The following GPC5 variants were observed in gnomAD, a reference collection of about 807,000 sequenced individuals.
GPC5 encodes the protein glypican-5.
GPC5 carries 47 observed loss-of-function variants against 53.9 expected under a neutral mutation model. The ratio of observed to expected loss-of-function variants is 0.87; its 90% CI spans 0.69 to 1.11. The LOEUF (loss-of-function observed/expected upper bound fraction) is 1.11, where lower values mean the gene tolerates loss of function less well. Ranked by LOEUF, GPC5 falls within the 50% of genes most tolerant of loss-of-function variation. GPC5 has a pLI of 0.00. For missense variants in GPC5, 748 were observed against 713.1 expected (o/e 1.05, Z -0.56); for synonymous variants, 286 against 263.3 (o/e 1.09, Z -0.84).
intron 2 of GPC5, among the ~76,000 whole-genome samples, chr13:91,572,114 T>C (rs1327793373): frequency 1.6e-5 from 2 of 128,206 alleles, no homozygotes; most frequent in East Asian, 2.0e-4. Context: ...TACACACATG[T>C]ATATATACGT....
intron 7 of GPC5, among the ~76,000 whole-genome samples, chr13:92,676,403 A>G (rs1356327499): frequency 6.6e-6 from 1 of 152,182 alleles, no homozygotes; most frequent in Non-Finnish European, 1.5e-5. Flanking sequence ...TTTAGGAGAT[A>G]CAATTGCCAT....
intron 4 of GPC5, among the ~76,000 whole-genome samples, chr13:91,733,485 TTGTCC>T (rs1401090159): frequency 6.6e-6 from 1 of 152,180 alleles, no homozygotes; most frequent in Non-Finnish European, 1.5e-5. Flanking sequence ...CCATTTGTTT[TTGTCC>T]TGTCTTATTT....
chr13:91,670,888 A>T (rs1049237485), intron 2 of GPC5, among the ~76,000 whole-genome samples: 1 of 152,206 alleles, frequency 6.6e-6, no homozygotes, highest in South Asian at 2.1e-4. Flanking sequence ...TGATAGAATT[A>T]AAAATAAAAA....
chr13:92,368,958 G>C lies in GPC5; in HGVS notation c.1561+223969G>C, dbSNP rs1184333884. ...AAAAACTGTGAAGTGGTGCAGTCAA[G>C]CATGAGTCTATTGCATTTTCTCTCC... On this transcript the variant is annotated intron_variant, in intron 7 of 7. Transcript: ENST00000377067. Among the ~76,000 whole-genome samples, 7 of 152,244 alleles carry C rather than the reference G, an allele frequency of 4.6e-5. No individual in the cohort carries two copies. The East Asian group carries it at 7.7e-4, about 17-fold the overall frequency.
rs141904884 is a variant in GPC5, at chr13:92,487,357, T to C, written c.1561+342368T>C. Reference sequence around the variant, plus strand: ...CCACCAATGGAGCCCTATACAACTGTCACTGGCACTGCCTGAAGGGAATTT... The same window carrying C: ...CCACCAATGGAGCCCTATACAACTGCCACTGGCACTGCCTGAAGGGAATTT... On this transcript the variant is annotated intron_variant, in intron 7 of 7. Transcript: ENST00000377067. Among the ~76,000 whole-genome samples the C allele has an allele frequency of 3.4e-3, 514 of 152,310 alleles. 5 individuals carry two copies. The highest frequency in any genetic ancestry group is 0.012 in the African/African-American group (501 of 41,574).
intron 7 of GPC5, among the ~76,000 whole-genome samples, chr13:92,767,395 T>C (rs1875445338): frequency 1.3e-5 from 2 of 152,034 alleles, no homozygotes; most frequent in South Asian, 2.1e-4. Flanking sequence ...CACTCGAACC[T>C]GGGAGGCAGA....
In GPC5 at chr13:91,940,681, G is replaced by A. The variant is rs567111447; in HGVS notation, c.1401+32624G>A. On this transcript the variant is annotated intron_variant, in intron 6 of 7. Coordinates refer to ENST00000377067, the MANE Select transcript of GPC5 (RefSeq NM_004466.6). ...GTTGTTATTTGACTTTTTGATAATA[G>A]CCACTCTGACTGGAATGAAATGGTA... Among the ~76,000 whole-genome samples the A allele has an allele frequency of 2.0e-5, 3 of 152,098 alleles. No homozygotes were observed. The South Asian group carries it at 6.2e-4, about 32-fold the overall frequency.
At chr13:91,652,659 A>G (rs2139564689) in intron 2 of GPC5, among the ~76,000 whole-genome samples, 1 of 152,294 alleles carries the variant, frequency 6.6e-6, no homozygotes, top group Middle Eastern at 3.4e-3. Context: ...ATGCCAAGCA[A>G]TTTAAAGCCT....
chr13:92,668,847 T>A (rs1301998779), intron 7 of GPC5, among the ~76,000 whole-genome samples: 1 of 152,090 alleles, frequency 6.6e-6, no homozygotes, highest in Non-Finnish European at 1.5e-5. Context: ...ACAAAGTTTT[T>A]AAATAAATGT....
intron 7 of GPC5, among the ~76,000 whole-genome samples, chr13:92,846,761 C>T (rs9561178): frequency 0.17 from 26,060 of 152,136 alleles, 2,499 homozygotes; most frequent in East Asian, 0.33. Context: ...AACAGCTTTA[C>T]CTGCACAAGG....
chr13:92,419,388 G>T (rs1876460903), intron 7 of GPC5, among the ~76,000 whole-genome samples: 1 of 151,876 alleles, frequency 6.6e-6, no homozygotes. Context: ...GTGCTTTCTT[G>T]CTGGAATACT....
chr13:92,698,719 T>C (rs945384108), intron 7 of GPC5, among the ~76,000 whole-genome samples: 8 of 152,190 alleles, frequency 5.3e-5, no homozygotes, highest in Non-Finnish European at 1.2e-4. Context: ...TTTCTAGTTC[T>C]AGATCCCTGA....
At chr13:92,822,368 T>C (rs1230732033) in intron 7 of GPC5, among the ~76,000 whole-genome samples, 2 of 152,092 alleles carry the variant, frequency 1.3e-5, no homozygotes, top group African/African-American at 4.8e-5. Context: ...ACAATAGCTC[T>C]CTCTCTCTGA....
At chr13:91,572,030 TA>T (rs1253490160) in intron 2 of GPC5, among the ~76,000 whole-genome samples, 1 of 116,418 alleles carries the variant, frequency 8.6e-6, no homozygotes, top group Non-Finnish European at 1.7e-5. Flanking sequence ...TACGTGTGTA[TA>T]TATGTGTATA....
intron 6 of GPC5, among the ~76,000 whole-genome samples, chr13:92,107,102 T>G (rs1301218256): frequency 1.3e-5 from 2 of 152,124 alleles, no homozygotes; most frequent in Admixed American, 1.3e-4. Flanking sequence ...CTCACTTTTA[T>G]AAGTTTTTTT....
intron 7 of GPC5, among the ~76,000 whole-genome samples, chr13:92,385,445 CATAT>C (rs879904001): frequency 1.0e-3 from 85 of 83,252 alleles, no homozygotes; most frequent in African/African-American, 3.6e-3. Context: ...TACATATATA[CATAT>C]ATACATATAT....
chr13:92,428,379 C>T (rs963523195), intron 7 of GPC5, among the ~76,000 whole-genome samples: 7 of 152,114 alleles, frequency 4.6e-5, no homozygotes, highest in Non-Finnish European at 7.4e-5. Flanking sequence ...TAGTCACTTC[C>T]TCCCAGGACC....
rs571290076 is a variant in GPC5 at position 92,187,067 on chromosome 13, G to A, written c.1561+42078G>A. Among the ~76,000 whole-genome samples, 5 of 151,678 alleles carry A rather than the reference G, an allele frequency of 3.3e-5. No homozygotes were observed. The South Asian group carries it at 1.0e-3, about 32-fold the overall frequency. The stretch of plus-strand genomic sequence containing the variant: ...GTGGAGGTTGCAGTGAGCTGAGATT[G>A]CGCCATTGCACTTCAGCCTGGGTGA... On this transcript the variant is annotated intron_variant, in intron 7 of 7. Transcript: ENST00000377067.
chr13:92,521,910 A>C (rs893610657), intron 7 of GPC5, among the ~76,000 whole-genome samples: 3 of 152,134 alleles, frequency 2.0e-5, no homozygotes, highest in Non-Finnish European at 4.4e-5. Context: ...GAATCTACAA[A>C]GAACTCAAAC....
Sources: allele counts gnomAD v4.1 joint callset (sites outside exome capture counted in the v4.1 genomes callset), GRCh38; gene constraint gnomAD v4.1.1; transcripts MANE v1.5; gene names NCBI Gene and HGNC (gene_info 2026-07-23, HGNC 2026-07-21).